Variants in CDC42BPA observed in about 807,000 individuals in gnomAD.
CDC42BPA encodes serine/threonine-protein kinase MRCK alpha.
Under a neutral mutation model 223.5 loss-of-function variants are expected in CDC42BPA, and 80 were observed. The observed-to-expected ratio is 0.36, with a 90% CI of 0.30 to 0.43. The LOEUF is 0.43. CDC42BPA is among the 20% of genes least tolerant of loss of function. The pLI is 1.00. For missense variants in CDC42BPA, 1,743 were observed against 2,099.9 expected (o/e 0.83, Z 3.32); for synonymous variants, 694 against 718.6 (o/e 0.97, Z 0.55).
Position 227,068,075 on chromosome 1 carries a change from T to C in CDC42BPA, c.2904+1702A>G, listed in dbSNP as rs542966037. 5.4e-4 allele frequency among the ~76,000 whole-genome samples: 82 copies of C among 152,076 alleles called. No homozygotes were observed. In the South Asian group the frequency reaches 0.013, roughly 24 times the overall value. On this transcript the variant is annotated intron_variant, in intron 21 of 36. Transcript: ENST00000366766. Reference sequence around the variant, plus strand: ...AAGTGATAATGCAGTCAATTTATAGTGCATATAGTGAATATGTTAACTAAA... The same window carrying C: ...AAGTGATAATGCAGTCAATTTATAGCGCATATAGTGAATATGTTAACTAAA...
intron 21 of CDC42BPA, among the ~76,000 whole-genome samples, chr1:227,067,951 G>A (rs750760405): frequency 2.3e-4 from 35 of 152,068 alleles, no homozygotes; most frequent in Non-Finnish European, 4.6e-4. Context: ...TGCATTTAAT[G>A]TGGAATAGAG....
At chr1:227,194,244 C>A (rs1670289238) in intron 4 of CDC42BPA, among the ~76,000 whole-genome samples, 1 of 152,024 alleles carries the variant, frequency 6.6e-6, no homozygotes, top group African/African-American at 2.4e-5. Context: ...CACAGCTTTC[C>A]AAGATTTTAG....
At chr1:227,268,908 C>T (rs1386426729) in intron 1 of CDC42BPA, among the ~76,000 whole-genome samples, 1 of 152,006 alleles carries the variant, frequency 6.6e-6, no homozygotes, top group Non-Finnish European at 1.5e-5. Context: ...TGGTCTCAAA[C>T]TCCTGGGCTC....
chr1:227,303,810 A>G (rs1224740141), intron 1 of CDC42BPA, among the ~76,000 whole-genome samples: 1 of 152,146 alleles, frequency 6.6e-6, no homozygotes, highest in East Asian at 1.9e-4. Flanking sequence ...TTAAAGGTTT[A>G]TGACTCTTTA....
intron 14 of CDC42BPA, among the ~76,000 whole-genome samples, chr1:227,109,475 C>T (rs1209023592): frequency 6.6e-6 from 1 of 152,088 alleles, no homozygotes; most frequent in Admixed American, 6.5e-5. Flanking sequence ...AGGCGATTCT[C>T]GTGCCTCAGC....
At chr1:227,289,040 A>G (rs1689262161) in intron 1 of CDC42BPA, among the ~76,000 whole-genome samples, 1 of 152,096 alleles carries the variant, frequency 6.6e-6, no homozygotes, top group African/African-American at 2.4e-5. Flanking sequence ...ATTAAATAAA[A>G]TGATATCACA....
At chr1:227,039,399 T>C (rs1572415803) in intron 24 of CDC42BPA, among the ~76,000 whole-genome samples, 1 of 152,176 alleles carries the variant, frequency 6.6e-6, no homozygotes, top group South Asian at 2.1e-4. Context: ...TCATATAAGG[T>C]AGTGTTGTAA....
At chr1:227,000,400 G>T (rs1006912499) in intron 35 of CDC42BPA, among the ~76,000 whole-genome samples, 3 of 152,088 alleles carry the variant, frequency 2.0e-5, no homozygotes, top group African/African-American at 7.2e-5. Flanking sequence ...TTAGTGCTCA[G>T]TTCAAAAAAT....
chr1:227,315,382 G>A (rs1220013930), intron 1 of CDC42BPA, among the ~76,000 whole-genome samples: 1 of 151,788 alleles, frequency 6.6e-6, no homozygotes, highest in Non-Finnish European at 1.5e-5. Flanking sequence ...TAATCAGAAG[G>A]CAATGGAGGA....
Position 227,197,026 on chromosome 1 carries a change from C to T in CDC42BPA, c.450+2531G>A, listed in dbSNP as rs112414117. 8.0e-3 allele frequency among the ~76,000 whole-genome samples: 1,223 copies of T among 152,140 alleles called. 4 individuals are homozygous for T. Among genetic ancestry groups the T allele is most frequent in the Middle Eastern group, 0.027 (8 of 294 alleles). ...TATCTACCATTCATTAAATTATGTG[C>T]CTTTTTCTGAAACACACAAAAAGTC... On this transcript the variant is annotated intron_variant, in intron 4 of 36. Transcript: ENST00000366766.
intron 16 of CDC42BPA, among the ~76,000 whole-genome samples, chr1:227,085,730 C>A (rs1337606055): frequency 1.3e-5 from 2 of 152,246 alleles, no homozygotes; most frequent in Non-Finnish European, 2.9e-5. Context: ...TCACTGCTGG[C>A]ACACACTGAT....
At chr1:227,223,533 G>C (rs1180273896) in intron 2 of CDC42BPA, among the ~76,000 whole-genome samples, 1 of 152,162 alleles carries the variant, frequency 6.6e-6, no homozygotes, top group Non-Finnish European at 1.5e-5. Context: ...TAATTGAGGT[G>C]AGAGGATCTA....
intron 1 of CDC42BPA, among the ~76,000 whole-genome samples, chr1:227,300,480 A>C (rs994339568): frequency 6.6e-6 from 1 of 152,194 alleles, no homozygotes. Context: ...ATACCATGGA[A>C]TACTACTCAG....
In CDC42BPA at chr1:227,190,882, G is replaced by C. The variant is rs538384276; in HGVS notation, c.599+2904C>G. Among the ~76,000 whole-genome samples, 3 of 152,156 alleles carry C rather than the reference G, an allele frequency of 2.0e-5. No individual in the cohort carries two copies. The East Asian group carries it at 5.8e-4, about 29-fold the overall frequency. On this transcript the variant is annotated intron_variant, in intron 5 of 36. Coordinates refer to ENST00000366766, the MANE Select transcript of CDC42BPA (RefSeq NM_001394014.1). ...TGTAGGAATGGGCAGAGTGTGTGGTGGGGGGTTAAGACAAGGAAGGTAGGA... is the reference window on the plus strand; with the variant it reads ...TGTAGGAATGGGCAGAGTGTGTGGTCGGGGGTTAAGACAAGGAAGGTAGGA...
intron 9 of CDC42BPA, among the ~76,000 whole-genome samples, chr1:227,142,297 T>C (rs954268705): frequency 1.3e-5 from 2 of 152,088 alleles, no homozygotes; most frequent in Non-Finnish European, 2.9e-5. Flanking sequence ...GGAATATAAG[T>C]GAAGTGAGGG....
chr1:227,107,775 T>C (rs914003148), intron 14 of CDC42BPA, among the ~76,000 whole-genome samples: 2 of 152,304 alleles, frequency 1.3e-5, no homozygotes, highest in South Asian at 2.1e-4. Flanking sequence ...TTACTTGTTA[T>C]AGGTCTGCAG....
chr1:227,067,021 T>C (rs1253486343), intron 21 of CDC42BPA, among the ~76,000 whole-genome samples: 1 of 152,292 alleles, frequency 6.6e-6, no homozygotes, highest in South Asian at 2.1e-4. Context: ...AGGTGGAATA[T>C]AAATAAAAGA....
At chr1:227,016,772 C>T (rs1413637615) in intron 33 of CDC42BPA, among the ~76,000 whole-genome samples, 155 bp downstream of exon 33, 1 of 152,162 alleles carries the variant, frequency 6.6e-6, no homozygotes, top group African/African-American at 2.4e-5. Flanking sequence ...TAAAATGACA[C>T]TGAGAAGTTA....
At chr1:227,226,806 C>A (rs1434443555) in intron 2 of CDC42BPA, among the ~76,000 whole-genome samples, 1 of 151,946 alleles carries the variant, frequency 6.6e-6, no homozygotes, top group Non-Finnish European at 1.5e-5. Context: ...CAAAAATAAA[C>A]CATAATAAAC....
Sources: gnomAD v4.1 joint callset for allele counts (sites outside exome capture counted in the v4.1 genomes callset) on GRCh38, gnomAD v4.1.1 for gene constraint, MANE v1.5 for transcripts, NCBI Gene and HGNC (gene_info 2026-07-23, HGNC 2026-07-21) for gene names.